Variants in ADGRB3 observed in about 807,000 individuals in gnomAD.
ADGRB3 encodes the protein brain-specific angiogenesis inhibitor 3.
A neutral mutation model predicts 193.4 loss-of-function variants in ADGRB3; 37 were observed. That is an observed-to-expected ratio of 0.19 (90% confidence interval 0.15 to 0.25). The LOEUF (loss-of-function observed/expected upper bound fraction) is 0.25. Ranked by LOEUF, ADGRB3 falls within the 10% of genes least tolerant of loss-of-function variation. The pLI, the probability that ADGRB3 is intolerant of heterozygous loss-of-function variation, is 1.00. For synonymous variants in ADGRB3, 690 were observed against 644.2 expected, an observed-to-expected ratio of 1.07 and a Z score of -1.08; for missense variants, 1,637 against 1,852.9, an observed-to-expected ratio of 0.88 and a Z score of 2.14.
At chr6:69,005,769 C>T (rs1385827571) in intron 11 of ADGRB3, among the ~76,000 whole-genome samples, 3 of 152,152 alleles carry the variant, frequency 2.0e-5, no homozygotes, top group African/African-American at 4.8e-5. Context: ...CTGCAGACCC[C>T]ACTATTGACC....
intron 17 of ADGRB3, among the ~76,000 whole-genome samples, chr6:69,193,030 C>T (rs1469015966): frequency 2.6e-5 from 4 of 152,084 alleles, no homozygotes; most frequent in South Asian, 2.1e-4. Flanking sequence ...TTCAATATCA[C>T]GAGTCCTAAA....
chr6:68,801,227 G>A (rs958166168), intron 3 of ADGRB3, among the ~76,000 whole-genome samples: 9 of 152,148 alleles, frequency 5.9e-5, no homozygotes, highest in Non-Finnish European at 1.2e-4. Flanking sequence ...GTTCTTAATA[G>A]AAATGTTTCT....
intron 3 of ADGRB3, among the ~76,000 whole-genome samples, chr6:68,903,625 ACT>A (rs1766458134): frequency 6.6e-6 from 1 of 152,024 alleles, no homozygotes; most frequent in African/African-American, 2.4e-5. Flanking sequence ...CACTTATAAC[ACT>A]CTAAGAGCAG....
chr6:68,953,191 C>T (rs1002808881), intron 6 of ADGRB3, among the ~76,000 whole-genome samples: 3 of 152,130 alleles, frequency 2.0e-5, no homozygotes, highest in African/African-American at 7.2e-5. Context: ...CTTATTCTCT[C>T]TTTGCCAGAA....
chr6:68,986,007 T>C (rs1212477568), intron 10 of ADGRB3, among the ~76,000 whole-genome samples: 1 of 152,156 alleles, frequency 6.6e-6, no homozygotes, highest in Non-Finnish European at 1.5e-5. Flanking sequence ...GTTTGATGTT[T>C]AGAAAAGACG....
rs543465928 is a variant in ADGRB3, at chr6:68,730,058, AG to A, written c.757+90627del. Among the ~76,000 whole-genome samples, 144 of 151,794 alleles carry A rather than the reference AG, an allele frequency of 9.5e-4. 2 individuals are homozygous for A. In the Middle Eastern group the frequency reaches 0.01, roughly 11 times the overall value. On this transcript the variant is annotated intron_variant, in intron 3 of 31. Transcript: ENST00000370598. ...TACTTGCTGGTCTCCATAATTAAATAGAAAAATGTTGGAAAATAGGATAAAG... is the reference window on the plus strand; with the variant it reads ...TACTTGCTGGTCTCCATAATTAAATAAAAAATGTTGGAAAATAGGATAAAG...
At chr6:68,659,056 A>G (rs1768558585) in intron 3 of ADGRB3, among the ~76,000 whole-genome samples, 3 of 151,164 alleles carry the variant, frequency 2.0e-5, no homozygotes, top group Admixed American at 1.3e-4. Flanking sequence ...AATAATTTTC[A>G]TAAGTTCTTT....
chr6:68,914,036 G>A (rs1200841561), intron 3 of ADGRB3, among the ~76,000 whole-genome samples: 1 of 151,638 alleles, frequency 6.6e-6, no homozygotes, highest in African/African-American at 2.4e-5. Flanking sequence ...AGAAATATGG[G>A]ACTATGTGAA....
chr6:69,044,469 T>C (rs1562135324), intron 13 of ADGRB3, among the ~76,000 whole-genome samples: 1 of 152,184 alleles, frequency 6.6e-6, no homozygotes, highest in Non-Finnish European at 1.5e-5. Flanking sequence ...CTTTGATGTA[T>C]CAAAGAAGTG....
intron 17 of ADGRB3, among the ~76,000 whole-genome samples, chr6:69,160,639 T>C (rs913285359): frequency 2.0e-5 from 3 of 152,146 alleles, no homozygotes; most frequent in South Asian, 4.1e-4. Context: ...AGGCCTTTTC[T>C]TTCCCCAGCT....
chr6:68,946,669 T>G (rs573507055), intron 6 of ADGRB3, among the ~76,000 whole-genome samples: 1 of 152,206 alleles, frequency 6.6e-6, no homozygotes, highest in East Asian at 1.9e-4. Flanking sequence ...AAGAAACATG[T>G]AAAACCACAA....
At chr6:69,231,416 T>C (rs1466370258) in intron 17 of ADGRB3, among the ~76,000 whole-genome samples, 2 of 152,236 alleles carry the variant, frequency 1.3e-5, no homozygotes, top group Admixed American at 1.3e-4. Context: ...TGAAAGCATA[T>C]GTACTGCATT....
At chr6:68,743,702 A>C (rs2127343175) in intron 3 of ADGRB3, among the ~76,000 whole-genome samples, 1 of 152,282 alleles carries the variant, frequency 6.6e-6, no homozygotes, top group South Asian at 2.1e-4. Context: ...GAAAAATGCA[A>C]ATTAAAATGA....
chr6:68,930,080 G>C (rs1263954549), intron 3 of ADGRB3, among the ~76,000 whole-genome samples: 1 of 150,108 alleles, frequency 6.7e-6, no homozygotes, highest in Non-Finnish European at 1.5e-5. Context: ...AAAAAAAAAA[G>C]GTAGTCTATT....
At chr6:69,386,722 A>G (rs184445185) in intron 31 of ADGRB3, among the ~76,000 whole-genome samples, 3 of 152,066 alleles carry the variant, frequency 2.0e-5, no homozygotes, top group Admixed American at 2.0e-4. Flanking sequence ...CCAGTGTGTC[A>G]TTCAGCCACC....
intron 17 of ADGRB3, among the ~76,000 whole-genome samples, chr6:69,088,994 A>G (rs1772630342): frequency 6.6e-6 from 1 of 152,256 alleles, no homozygotes. Flanking sequence ...GTGTGTTGAT[A>G]TTACAGGTTT....
At chr6:69,235,968 AT>A (rs1474000674) in intron 19 of ADGRB3, among the ~76,000 whole-genome samples, 2 of 151,814 alleles carry the variant, frequency 1.3e-5, no homozygotes, top group Non-Finnish European at 2.9e-5. Context: ...TAATCTAAAT[AT>A]TTTTAACTAT....
At chr6:69,340,724 T>G (rs1768956152) in intron 26 of ADGRB3, among the ~76,000 whole-genome samples, 1 of 152,168 alleles carries the variant, frequency 6.6e-6, no homozygotes, top group South Asian at 2.1e-4. Flanking sequence ...CATCAACCTG[T>G]CATCTACATT....
chr6:69,058,098 G>A (rs1771599280), intron 15 of ADGRB3, among the ~76,000 whole-genome samples: 1 of 151,688 alleles, frequency 6.6e-6, no homozygotes. Flanking sequence ...TTTGATTATT[G>A]ATTCAATCGC....
Sources: gnomAD v4.1 joint callset for allele counts (sites outside exome capture counted in the v4.1 genomes callset) on GRCh38, gnomAD v4.1.1 for gene constraint, MANE v1.5 for transcripts, NCBI Gene and HGNC (gene_info 2026-07-23, HGNC 2026-07-21) for gene names.